DNAH12: variants seen among roughly 807,000 people sequenced by gnomAD.
DNAH12 encodes the protein dynein axonemal heavy chain 12, also known as axonemal beta dynein heavy chain 12.
In DNAH12, 285 loss-of-function variants were observed where a neutral mutation model predicts 371.5. The observed-to-expected ratio is 0.77, with a 90% CI of 0.70 to 0.85. The LOEUF (loss-of-function observed/expected upper bound fraction) is 0.85, where lower values mean the gene tolerates loss of function less well. Ranked by LOEUF, DNAH12 falls within the 40% of genes least tolerant of loss-of-function variation. DNAH12 has a pLI of 0.00. For synonymous variants in DNAH12, 1,200 were observed against 1,213.0 expected (o/e 0.99, Z 0.22); for missense variants, 3,611 against 3,689.4 (o/e 0.98, Z 0.55).
At chr3:57,546,528 G>T (rs992283096), upstream of DNAH12, among the ~76,000 whole-genome samples, 2 of 151,992 alleles carry the variant, frequency 1.3e-5, no homozygotes, top group Non-Finnish European at 2.9e-5. Context: ...TATTTTGTTG[G>T]GACAGTGTCT....
chr3:57,293,735 G>GTTTTT lies in DNAH12; in HGVS notation c.*41_*45dup. 8.9e-7 allele frequency: 1 copy of GTTTTT among 1,117,836 alleles called. No homozygotes were observed. Among genetic ancestry groups the GTTTTT allele is most frequent in the Admixed American group, 2.7e-5 (1 of 36,652 alleles). The allele number at this position is 1,117,836 out of a possible 1,614,324, so 69.2% of individuals were successfully genotyped here. A position where few individuals can be genotyped will look rare whatever the true frequency, so the allele number is the denominator to read the frequency against. ...AATGTATATATTTTAAGTAGGACAGGTTTTTTTTTTTTTAAACTTTTGGAT... is the reference window on the plus strand; with the variant it reads ...AATGTATATATTTTAAGTAGGACAGGTTTTTTTTTTTTTTTTTTAAACTTTTGGAT... On this transcript the variant is annotated 3_prime_UTR_variant, in exon 74 of 74. Coordinates refer to ENST00000495027, the MANE Select transcript of DNAH12 (RefSeq NM_001366028.2).
intron 59 of DNAH12, among the ~76,000 whole-genome samples, chr3:57,352,979 C>T (rs190611689): frequency 1.3e-5 from 2 of 151,844 alleles, no homozygotes; most frequent in South Asian, 4.2e-4. Flanking sequence ...ATCCCAGCTA[C>T]GAGGGAGGCT....
chr3:57,326,366 A>T (rs552758829), intron 62 of DNAH12, among the ~76,000 whole-genome samples: 1 of 152,380 alleles, frequency 6.6e-6, no homozygotes, highest in Non-Finnish European at 1.5e-5. Flanking sequence ...AGCTCTCGGC[A>T]GAAACTCTAC....
In DNAH12 at chr3:57,421,902, C is replaced by CTTTTTTTTTTTT. The variant is rs368757579; in HGVS notation, c.5374-208_5374-197dup. ...AATTTTTATCAAAATGTTTGCATGT[C>CTTTTTTTTTTTT]TTTTTTTTTTTTTTTTTTTTTGAGA... On this transcript the variant is annotated intron_variant, in intron 35 of 73. Coordinates refer to ENST00000495027, the MANE Select transcript of DNAH12 (RefSeq NM_001366028.2). Among the ~76,000 whole-genome samples the CTTTTTTTTTTTT allele has an allele frequency of 2.4e-3, 235 of 98,506 alleles. 38 individuals carry two copies. The highest frequency in any genetic ancestry group is 7.0e-3 in the African/African-American group (145 of 20,604). The allele number at this position is 98,506 out of a possible 152,430, so 64.6% of individuals were successfully genotyped here. A position where few individuals can be genotyped will look rare whatever the true frequency, so the allele number is the denominator to read the frequency against.
At chr3:57,358,785 T>C (rs2062855296) in intron 58 of DNAH12, among the ~76,000 whole-genome samples, 1 of 152,042 alleles carries the variant, frequency 6.6e-6, no homozygotes, top group Admixed American at 6.6e-5. Context: ...AAACAGGAAA[T>C]ATAACTTTTA....
In DNAH12 at chr3:57,425,033, C is replaced by T. The variant is rs1296395483; in HGVS notation, c.5362G>A (p.Val1788Ile). The T allele has an allele frequency of 1.4e-5, 10 of 701,778 alleles. No individual in the cohort carries two copies. Among genetic ancestry groups the T allele is most frequent in the Admixed American group, 1.2e-4 (6 of 49,750 alleles). The allele number at this position is 701,778 out of a possible 1,614,324, so 43.5% of individuals were successfully genotyped here. The change falls in exon 35 of 74, where the codon GTT becomes ATT. Residue 1788 changes from valine (V) to isoleucine (I), a missense_variant. By Grantham distance (29) the Val-to-Ile change is conservative (BLOSUM62 3). Transcript: ENST00000495027. ...ENDPTSKHIR[V>I]WIMACFIFSL... ...AGTATAAAACCAACCATAATCCAAA[C>T]ACGAATGTGCTTGCTAGTAGGATCA...
Position 57,377,587 on chromosome 3 carries a change from AAT to A in DNAH12, c.8224-367_8224-366del, listed in dbSNP as rs1301118086. ...TAATAAGTGTTTGTTTAAACACATG[AAT>A]ATGTTTTGGGTGTTTTTTTTTTCCT... On this transcript the variant is annotated intron_variant, in intron 52 of 73. Transcript: ENST00000495027. Among the ~76,000 whole-genome samples, 377 of 152,160 alleles carry A rather than the reference AAT, an allele frequency of 2.5e-3. 1 individual carries two copies. The highest frequency in any genetic ancestry group is 8.9e-3 in the African/African-American group (369 of 41,552).
At chr3:57,309,556 G>C (rs1384341845) in intron 68 of DNAH12, 110 bp downstream of exon 68, 2 of 1,103,092 alleles carry the variant, frequency 1.8e-6, no homozygotes, top group East Asian at 2.8e-5. Flanking sequence ...TGCTTAGAGA[G>C]GCAAAGTTCT....
intron 29 of DNAH12, 105 bp from the exon 30 acceptor site, chr3:57,437,165 T>A (rs914681224): frequency 3.7e-5 from 27 of 726,036 alleles, no homozygotes; most frequent in Non-Finnish European, 5.8e-5. Context: ...AAAACTATCA[T>A]CATTGTTTAT....
intron 4 of DNAH12, among the ~76,000 whole-genome samples, chr3:57,516,364 T>A (rs12496288): frequency 6.6e-6 from 1 of 151,962 alleles, no homozygotes; most frequent in South Asian, 2.1e-4. Flanking sequence ...GCCCGGCCCA[T>A]GTACTGCCTA....
At chr3:57,370,563 G>A (rs2063149678) in intron 55 of DNAH12, among the ~76,000 whole-genome samples, 1 of 152,150 alleles carries the variant, frequency 6.6e-6, no homozygotes, top group Non-Finnish European at 1.5e-5. Flanking sequence ...ACTATAAAGA[G>A]CAAGCACAAT....
intron 59 of DNAH12, among the ~76,000 whole-genome samples, chr3:57,355,224 T>C (rs1362392553): frequency 6.6e-6 from 1 of 152,142 alleles, no homozygotes; most frequent in Admixed American, 6.5e-5. Flanking sequence ...AAGTAATACA[T>C]AGGACCATGG....
At chr3:57,438,709 T>C (rs2065209342) in intron 29 of DNAH12, among the ~76,000 whole-genome samples, 1 of 151,854 alleles carries the variant, frequency 6.6e-6, no homozygotes, top group East Asian at 1.9e-4. Context: ...TCTCAGCACT[T>C]TGGGAGGCCG....
At position 57,340,579 on chromosome 3, in the gene DNAH12, C is replaced by T. The variant is rs566821749; in HGVS notation, c.9675-5639G>A. Reference sequence around the variant, plus strand: ...AGATGGGTAAATTTGTTGACACATACGACCTATCAAGATTGAACCAAGGAG... The same window carrying T: ...AGATGGGTAAATTTGTTGACACATATGACCTATCAAGATTGAACCAAGGAG... On this transcript the variant is annotated intron_variant, in intron 60 of 73. Transcript: ENST00000495027. Among the ~76,000 whole-genome samples the T allele has an allele frequency of 3.9e-5, 6 of 152,130 alleles. No homozygotes were observed. In the South Asian group the frequency reaches 1.2e-3, roughly 32 times the overall value.
At chr3:57,507,990 C>T in intron 7 of DNAH12, 152 bp from the exon 8 acceptor site, 1 of 629,502 alleles carries the variant, frequency 1.6e-6, no homozygotes, top group Non-Finnish European at 2.6e-6. Context: ...AGTTCAAGAC[C>T]AACCTGGCCA....
At chr3:57,388,386 C>G (rs1166446659) in intron 45 of DNAH12, among the ~76,000 whole-genome samples, 1 of 152,022 alleles carries the variant, frequency 6.6e-6, no homozygotes, top group African/African-American at 2.4e-5. Flanking sequence ...TCCAGATTTC[C>G]TTTCATTTAG....
chr3:57,404,867 T>G, intron 42 of DNAH12, 102 bp downstream of exon 42: 1 of 1,060,922 alleles, frequency 9.4e-7, no homozygotes, highest in Non-Finnish European at 1.3e-6. Flanking sequence ...GGGTACAAAG[T>G]CATTCACTGT....
At chr3:57,550,880 ATT>A in the DNAH12 span, among the ~76,000 whole-genome samples, 5 of 136,810 alleles carry the variant, frequency 3.7e-5, no homozygotes, top group Non-Finnish European at 1.6e-5. Context: ...GCTAGAAACA[ATT>A]TTTTTTTTTT....
At chr3:57,444,559 T>G in intron 29 of DNAH12, 138 bp downstream of exon 29, 2 of 1,269,516 alleles carry the variant, frequency 1.6e-6, no homozygotes, top group Non-Finnish European at 2.2e-6. Flanking sequence ...ATTTACTTAT[T>G]GTTATTAACT....
Sources: gnomAD v4.1 joint callset for allele counts (sites outside exome capture counted in the v4.1 genomes callset) on GRCh38, gnomAD v4.1.1 for gene constraint, MANE v1.5 for transcripts, NCBI Gene and HGNC (gene_info 2026-07-23, HGNC 2026-07-21) for gene names.